Variants in TTLL7 observed in about 807,000 individuals in gnomAD.
TTLL7 encodes the protein tubulin tyrosine ligase like 7, also known as tubulin polyglutamylase TTLL7.
TTLL7 carries 53 observed loss-of-function variants against 120.2 expected under a neutral mutation model. The observed-to-expected ratio is 0.44, with a 90% CI of 0.35 to 0.55. The LOEUF (loss-of-function observed/expected upper bound fraction) is 0.55. Ranked by LOEUF, TTLL7 falls within the 20% of genes least tolerant of loss-of-function variation. The pLI, the probability that TTLL7 is intolerant of heterozygous loss-of-function variation, is 0.00. For synonymous variants in TTLL7, 353 were observed against 351.7 expected (o/e 1.00, Z -0.04); for missense variants, 803 against 1,054.7 (o/e 0.76, Z 3.31).
intron 1 of TTLL7, among the ~76,000 whole-genome samples, chr1:83,953,835 G>A (rs1320406203): frequency 6.6e-6 from 1 of 152,040 alleles, no homozygotes; most frequent in Non-Finnish European, 1.5e-5. Context: ...ATAGACATAT[G>A]AGAAGTTTCC....
At chr1:83,903,595 C>G (rs181142737) in intron 18 of TTLL7, among the ~76,000 whole-genome samples, 2 of 152,040 alleles carry the variant, frequency 1.3e-5, no homozygotes, top group Admixed American at 6.6e-5. Flanking sequence ...TTTAAATCAT[C>G]TCTAGATTAC....
chr1:83,950,918 C>T (rs1028909088), intron 3 of TTLL7, among the ~76,000 whole-genome samples: 1 of 152,034 alleles, frequency 6.6e-6, no homozygotes, highest in Non-Finnish European at 1.5e-5. Context: ...GGCTCACAAG[C>T]AGAAAACAAT....
chr1:83,927,767 A>T (rs1237034607), intron 10 of TTLL7, among the ~76,000 whole-genome samples: 1 of 152,118 alleles, frequency 6.6e-6, no homozygotes, highest in Non-Finnish European at 1.5e-5. Flanking sequence ...AAATTAAAGC[A>T]CTCCATAAGA....
chr1:83,900,598 C>T (rs561281843), intron 18 of TTLL7, among the ~76,000 whole-genome samples: 14 of 152,028 alleles, frequency 9.2e-5, no homozygotes, highest in African/African-American at 3.1e-4. Context: ...CTTATTCCTA[C>T]CTCAACACAA....
At chr1:83,907,244 T>C (rs1657267238) in intron 16 of TTLL7, among the ~76,000 whole-genome samples, 1 of 152,140 alleles carries the variant, frequency 6.6e-6, no homozygotes, top group Non-Finnish European at 1.5e-5. Flanking sequence ...TTCTCAGTGC[T>C]CATCTTTGAG....
At chr1:83,890,522 A>G (rs771455742) in intron 18 of TTLL7, 41 bp from the exon 19 acceptor site, 7 of 1,522,430 alleles carry the variant, frequency 4.6e-6, no homozygotes, top group Non-Finnish European at 6.3e-6. Context: ...AGGAATGTAT[A>G]TCTGTGTCTA....
chr1:83,892,371 A>AAC lies in TTLL7; in HGVS notation c.2209-1891_2209-1890insGT, dbSNP rs1491508104. 2.0e-4 allele frequency among the ~76,000 whole-genome samples: 24 copies of AAC among 119,906 alleles called. 1 individual carries two copies. Among genetic ancestry groups the AAC allele is most frequent in the African/African-American group, 6.3e-4 (19 of 30,030 alleles). The allele number at this position is 119,906 out of a possible 152,430, so 78.7% of individuals were successfully genotyped here. ...ACGAATATATATGAATATATATACG[A>AAC]ATATATATGAATATATATACGAATA... On this transcript the variant is annotated intron_variant, in intron 18 of 20. Coordinates refer to ENST00000260505, the MANE Select transcript of TTLL7 (RefSeq NM_024686.6).
chr1:83,911,704 T>C (rs1484502595), intron 14 of TTLL7, among the ~76,000 whole-genome samples: 2 of 152,014 alleles, frequency 1.3e-5, no homozygotes, highest in Admixed American at 6.6e-5. Context: ...ATCAGCTTTT[T>C]TCATTCCATA....
At chr1:83,939,628 G>A (rs981802895) in intron 7 of TTLL7, among the ~76,000 whole-genome samples, 14 of 152,280 alleles carry the variant, frequency 9.2e-5, no homozygotes, top group Middle Eastern at 3.4e-3. Flanking sequence ...GTTTTTCAGC[G>A]TGTAGGCTTG....
intron 1 of TTLL7, among the ~76,000 whole-genome samples, chr1:83,960,870 T>G (rs193223666): frequency 3.9e-5 from 6 of 152,242 alleles, no homozygotes; most frequent in Admixed American, 1.3e-4. Context: ...GTGTACAAAT[T>G]GAAAGGGTAT....
chr1:83,890,869 T>C (rs1380192163), intron 18 of TTLL7, among the ~76,000 whole-genome samples: 1 of 152,142 alleles, frequency 6.6e-6, no homozygotes, highest in East Asian at 1.9e-4. Context: ...ACCAGTGGAA[T>C]AAGAAGAGAC....
chr1:83,906,240 C>A, intron 17 of TTLL7, 89 bp downstream of exon 17: 1 of 1,095,070 alleles, frequency 9.1e-7, no homozygotes, highest in East Asian at 2.4e-5. Flanking sequence ...TGTCACTGAG[C>A]ATAATGCCTT....
intron 9 of TTLL7, among the ~76,000 whole-genome samples, chr1:83,929,562 A>T (rs1481238476): frequency 1.3e-5 from 2 of 152,260 alleles, no homozygotes; most frequent in African/African-American, 2.4e-5. Flanking sequence ...GTTAAAAGTG[A>T]TTTAGCCTAA....
In TTLL7 at chr1:83,921,148, C is replaced by T. The variant is rs774763160; in HGVS notation, c.1303G>A (p.Ala435Thr). The change falls in exon 12 of 21, where the codon GCT (alanine) becomes ACT (threonine). Residue 435 changes from alanine to threonine, a missense_variant. Around this residue, in one of 3 missense-constraint regions of TTLL7, gnomAD observed 324 missense variants for 507.7 expected, o/e 0.64. Transcript: ENST00000260505. ...CGTGAGATCTGCTTTCGTACTTGAG[C>T]GAGTCTCTCTTTCTGGAAATGAGAA... is the stretch of plus-strand genomic sequence containing the variant. Reference protein sequence around the residue: ...RRKEELKERLAQVRKQISREE... With the variant: ...RRKEELKERLTQVRKQISREE... 3 of 1,612,510 alleles carry T rather than the reference C, an allele frequency of 1.9e-6. No individual in the cohort carries two copies. Among genetic ancestry groups the T allele is most frequent in the African/African-American group, 1.3e-5 (1 of 74,780 alleles).
intron 13 of TTLL7, 151 bp downstream of exon 13, chr1:83,919,548 T>C (rs748826120): frequency 1.5e-6 from 1 of 672,266 alleles, no homozygotes; most frequent in South Asian, 3.1e-5. Flanking sequence ...TGGTTCATCA[T>C]GAAATGTTAC....
chr1:83,902,145 CT>C (rs1656776900), intron 18 of TTLL7: 2 of 151,998 alleles, frequency 1.3e-5, no homozygotes, highest in Admixed American at 6.6e-5. Flanking sequence ...CCTCTCACAG[CT>C]TACTTACTCA....
At chr1:83,946,646 T>G (rs1176020645) in intron 6 of TTLL7, among the ~76,000 whole-genome samples, 5 of 152,238 alleles carry the variant, frequency 3.3e-5, no homozygotes, top group African/African-American at 1.2e-4. Context: ...TACTCATTTT[T>G]AATCCAATTA....
chr1:83,939,709 G>C (rs2100836325), intron 7 of TTLL7, among the ~76,000 whole-genome samples: 2 of 152,122 alleles, frequency 1.3e-5, no homozygotes, highest in South Asian at 4.1e-4. Context: ...AAAAACAAAT[G>C]TTTATTATAT....
intron 20 of TTLL7, among the ~76,000 whole-genome samples, chr1:83,876,868 C>T (rs1653975305): frequency 6.6e-6 from 1 of 151,988 alleles, no homozygotes; most frequent in South Asian, 2.1e-4. Context: ...GAGTTTAGTT[C>T]TTTCTTTCAA....
Sources: gnomAD v4.1 joint callset for allele counts (sites outside exome capture counted in the v4.1 genomes callset) on GRCh38, gnomAD v4.1.1 for gene constraint, gnomAD v4.1.1 regional missense constraint, MANE v1.5 for transcripts, NCBI Gene and HGNC (gene_info 2026-07-23, HGNC 2026-07-21) for gene names.